The following GLIS3 variants were observed in gnomAD, a reference collection of about 807,000 sequenced individuals.
The protein encoded by GLIS3 is zinc finger protein GLIS3.
In GLIS3, 53 loss-of-function variants were observed where a neutral mutation model predicts 78.6. That is an observed-to-expected ratio of 0.67 (90% CI 0.54 to 0.85). GLIS3 has a LOEUF of 0.85. Among genes scored for constraint, GLIS3 ranks in the 40% least tolerant of loss-of-function variants. The pLI is 0.00. For missense variants in GLIS3, 1,703 were observed against 1,231.1 expected (o/e 1.38, Z -5.74); for synonymous variants, 684 against 509.9 (o/e 1.34, Z -4.60).
intron 2 of GLIS3, among the ~76,000 whole-genome samples, chr9:4,160,806 A>T (rs1379809607): frequency 6.6e-6 from 1 of 152,242 alleles, no homozygotes; most frequent in Non-Finnish European, 1.5e-5. Context: ...GGAGGCATGT[A>T]GATGACTTCA....
the GLIS3 span, among the ~76,000 whole-genome samples, chr9:4,473,177 G>C: frequency 1.1e-3 from 168 of 152,226 alleles, no homozygotes; most frequent in African/African-American, 3.9e-3. Flanking sequence ...ATCAATGATA[G>C]ACTGAATAAA....
At chr9:3,886,705 G>T (rs1822099092) in intron 7 of GLIS3, among the ~76,000 whole-genome samples, 1 of 152,134 alleles carries the variant, frequency 6.6e-6, no homozygotes, top group Non-Finnish European at 1.5e-5. Context: ...CGGTCTTTTT[G>T]CATTTCACCT....
chr9:3,986,285 A>C (rs1475639955), intron 4 of GLIS3, among the ~76,000 whole-genome samples: 1 of 152,140 alleles, frequency 6.6e-6, no homozygotes, highest in African/African-American at 2.4e-5. Context: ...TCATGACCGA[A>C]AAATAAAGGC....
At chr9:4,319,984 TGTGTGTGTGTGTGTGTG>T (rs1563931509) in intron 2 of GLIS3, among the ~76,000 whole-genome samples, 1 of 4,258 alleles carries the variant, frequency 2.3e-4, no homozygotes, top group Non-Finnish European at 9.9e-4. Flanking sequence ...TAGAGGGGGT[TGTGTGTGTGTGTGTGTG>T]TGTGTGTGTG....
the GLIS3 span, among the ~76,000 whole-genome samples, chr9:4,479,190 T>C: frequency 6.6e-6 from 1 of 152,082 alleles, no homozygotes; most frequent in African/African-American, 2.4e-5. Context: ...CCTCCTAGAG[T>C]GCTGGGATTA....
chr9:4,406,158 T>G, the GLIS3 span, among the ~76,000 whole-genome samples: 1 of 152,074 alleles, frequency 6.6e-6, no homozygotes, highest in Admixed American at 6.5e-5. Context: ...TTCTTAGATC[T>G]GGAAGACAAC....
the GLIS3 span, among the ~76,000 whole-genome samples, chr9:4,489,748 T>G: frequency 6.6e-5 from 10 of 152,282 alleles, no homozygotes; most frequent in African/African-American, 9.6e-5. Context: ...CAAGCCTCCA[T>G]GCTCCAGGGC....
chr9:4,075,725 T>G (rs1441635747), intron 4 of GLIS3, among the ~76,000 whole-genome samples: 1 of 147,034 alleles, frequency 6.8e-6, no homozygotes, highest in Non-Finnish European at 1.5e-5. Context: ...CACCAAGAAG[T>G]GTATGCATAG....
intron 2 of GLIS3, among the ~76,000 whole-genome samples, chr9:4,189,066 C>A (rs1374152998): frequency 2.0e-5 from 3 of 151,724 alleles, no homozygotes; most frequent in Non-Finnish European, 4.4e-5. Flanking sequence ...TCTTGCTTTT[C>A]TAGTTCTTTT....
intron 4 of GLIS3, among the ~76,000 whole-genome samples, chr9:4,109,985 G>C (rs776371834): frequency 7.9e-5 from 12 of 152,136 alleles, no homozygotes; most frequent in Non-Finnish European, 1.3e-4. Flanking sequence ...CCCATTAAAA[G>C]TTTGCATAGC....
At chr9:4,393,926 A>G in the GLIS3 span, among the ~76,000 whole-genome samples, 2 of 152,052 alleles carry the variant, frequency 1.3e-5, no homozygotes, top group African/African-American at 4.8e-5. Context: ...GACCTTTATG[A>G]CCCAGTGGGC....
rs1042875053 is a variant in GLIS3 at position 4,244,495 on chromosome 9, G to GT, written c.388+41542dup. ...TATTCTGAAAACTACATTGGAAAGA[G>GT]TTTTTTTAAGGTGAACTGCTTTTTT... On this transcript the variant is annotated intron_variant, in intron 2 of 10. Transcript: ENST00000381971. Among the ~76,000 whole-genome samples, 10 of 152,306 alleles carry GT rather than the reference G, an allele frequency of 6.6e-5. No individual in the cohort carries two copies. In the South Asian group the frequency reaches 1.9e-3, roughly 28 times the overall value.
chr9:4,058,341 G>T (rs1826318692), intron 4 of GLIS3, among the ~76,000 whole-genome samples: 1 of 151,860 alleles, frequency 6.6e-6, no homozygotes, highest in Admixed American at 6.6e-5. Flanking sequence ...AGAGTAAGCA[G>T]ATACTGCTCT....
At chr9:4,174,520 G>C (rs1816652251) in intron 2 of GLIS3, among the ~76,000 whole-genome samples, 1 of 152,108 alleles carries the variant, frequency 6.6e-6, no homozygotes, top group Non-Finnish European at 1.5e-5. Flanking sequence ...ATCATCAAAA[G>C]AAAAAGAGGA....
chr9:4,298,451 C>T (rs1422426886), intron 1 of GLIS3: 5 of 451,260 alleles, frequency 1.1e-5, no homozygotes, highest in African/African-American at 2.0e-5. Flanking sequence ...GAGTGACTTC[C>T]CGGTCCCCGA....
At chr9:4,372,520 G>C in the GLIS3 span, among the ~76,000 whole-genome samples, 1 of 145,844 alleles carries the variant, frequency 6.9e-6, no homozygotes, top group African/African-American at 2.6e-5. Flanking sequence ...TTACACTTCA[G>C]GAGGCAATAC....
the GLIS3 span, among the ~76,000 whole-genome samples, chr9:4,481,644 G>A: frequency 6.6e-6 from 1 of 151,960 alleles, no homozygotes; most frequent in Non-Finnish European, 1.5e-5. Context: ...TCATTATCTA[G>A]TGTACTTTTA....
chr9:4,446,199 G>C, the GLIS3 span, among the ~76,000 whole-genome samples: 1 of 152,180 alleles, frequency 6.6e-6, no homozygotes, highest in African/African-American at 2.4e-5. Flanking sequence ...ATTAAGAGGT[G>C]TGGTCTTTGG....
Position 4,197,395 on chromosome 9 carries a change from C to T in GLIS3, c.389-71454G>A, listed in dbSNP as rs535605619. On this transcript the variant is annotated intron_variant, in intron 2 of 10. Coordinates refer to ENST00000381971, the MANE Select transcript of GLIS3 (RefSeq NM_001042413.2). ...ACAGGGAGGCATTCTCTGCTCCATA[C>T]ACAGGTAGATCTTTGAGCATCCACA... Among the ~76,000 whole-genome samples the T allele has an allele frequency of 9.8e-5, 15 of 152,318 alleles. 1 individual carries two copies. The East Asian group carries it at 1.5e-3, about 16-fold the overall frequency.
Sources: allele counts gnomAD v4.1 joint callset (sites outside exome capture counted in the v4.1 genomes callset), GRCh38; gene constraint gnomAD v4.1.1; transcripts MANE v1.5; gene names NCBI Gene and HGNC (gene_info 2026-07-23, HGNC 2026-07-21).